NSD3: variants seen among roughly 807,000 people sequenced by gnomAD.
NSD3 encodes histone-lysine N-methyltransferase NSD3.
A neutral mutation model predicts 160.8 loss-of-function variants in NSD3; 24 were observed. That is an observed-to-expected ratio of 0.15 (90% CI 0.11 to 0.21). The LOEUF is 0.21. Among genes scored for constraint, NSD3 ranks in the 10% least tolerant of loss-of-function variants. The probability of loss-of-function intolerance (pLI) is 1.00; values close to 1 mark genes in which losing one functional copy is unlikely to be tolerated. For synonymous variants in NSD3, 520 were observed against 600.0 expected, an observed-to-expected ratio of 0.87 and a Z score of 1.95; for missense variants, 1,157 against 1,735.9, an observed-to-expected ratio of 0.67 and a Z score of 5.93.
At chr8:38,335,878 A>C (rs1810204874) in intron 4 of NSD3, 1 of 152,238 alleles carries the variant, frequency 6.6e-6, no homozygotes, top group Admixed American at 6.5e-5. Flanking sequence ...AAAATATATA[A>C]GAGAACTACT....
intron 19 of NSD3, among the ~76,000 whole-genome samples, chr8:38,285,239 G>A (rs1409899756): frequency 6.6e-6 from 1 of 152,182 alleles, no homozygotes; most frequent in Non-Finnish European, 1.5e-5. Flanking sequence ...CCACAGCAAA[G>A]AGGCTGTCAT....
intron 4 of NSD3, among the ~76,000 whole-genome samples, chr8:38,333,484 A>G (rs1290882363): frequency 6.6e-6 from 1 of 152,368 alleles, no homozygotes; most frequent in Non-Finnish European, 1.5e-5. Context: ...TGATCCAAAC[A>G]TCTTTCAACA....
intron 1 of NSD3, among the ~76,000 whole-genome samples, chr8:38,361,850 C>T (rs1421526783): frequency 6.7e-6 from 1 of 149,920 alleles, no homozygotes; most frequent in East Asian, 2.0e-4. Flanking sequence ...GGTGTGACGA[C>T]GGGGAGAGAG....
intron 10 of NSD3, 73 bp downstream of exon 10, chr8:38,315,839 T>A: frequency 6.5e-7 from 1 of 1,548,196 alleles, no homozygotes. Context: ...ATGTCCTGAT[T>A]TCCCCAAATA....
chr8:38,365,755 A>T (rs1811090990), intron 1 of NSD3, among the ~76,000 whole-genome samples: 1 of 152,060 alleles, frequency 6.6e-6, no homozygotes, highest in South Asian at 2.1e-4. Context: ...TTAGATTCTT[A>T]TTAAAAAACT....
At chr8:38,373,928 T>C (rs1253636904) in intron 1 of NSD3, among the ~76,000 whole-genome samples, 1 of 119,774 alleles carries the variant, frequency 8.3e-6, no homozygotes, top group African/African-American at 3.3e-5. Flanking sequence ...CAAAACTCTG[T>C]CTCTACAAAA....
At chr8:38,345,223 G>C (rs569052771) in intron 2 of NSD3, among the ~76,000 whole-genome samples, 1 of 148,270 alleles carries the variant, frequency 6.7e-6, no homozygotes, top group Non-Finnish European at 1.5e-5. Flanking sequence ...GAGAGGGAGA[G>C]AGAGAGAGGA....
At position 38,318,916 on chromosome 8, in the gene NSD3, C is replaced by T. The variant is rs142847683; in HGVS notation, c.1834G>A (p.Val612Met). 1 of 1,611,334 alleles carries T rather than the reference C, an allele frequency of 6.2e-7. No individual in the cohort carries two copies. The highest frequency in any genetic ancestry group is 8.5e-7 in the Non-Finnish European group (1 of 1,179,180). The change falls in exon 9 of 24, where the codon GTG (valine) becomes ATG (methionine). Residue 612 changes from valine to methionine, a missense_variant. Coordinates refer to ENST00000317025, the MANE Select transcript of NSD3 (RefSeq NM_023034.2). This position sits in a 1 kb window ranked among gnomAD's most constrained non-coding sequence, Gnocchi z 5.3. ...TCACCTTTCTGTAATCCAGTCTTCA[C>T]TGTAGCCTGAGGAACTGTTTCAACC... ...EQVETVPQAT[V>M]KTGLQKGASE...
chr8:38,352,096 T>C (rs1810717356), intron 1 of NSD3, among the ~76,000 whole-genome samples: 1 of 152,080 alleles, frequency 6.6e-6, no homozygotes, highest in African/African-American at 2.4e-5. Context: ...CAATGCCTAT[T>C]ATTAATAGAT....
intron 12 of NSD3, among the ~76,000 whole-genome samples, chr8:38,313,262 C>T (rs1809576391): frequency 6.6e-6 from 1 of 152,010 alleles, no homozygotes; most frequent in South Asian, 2.1e-4. Context: ...TGACATATGA[C>T]TTGTGATGTC....
rs759912958 is a variant in NSD3, at chr8:38,288,601, T to C, written c.3387A>G (p.Pro1129=). Residue 1129 remains proline, a synonymous_variant, in exon 19 of 24, where the codon CCA becomes CCG. Transcript: ENST00000317025. The surrounding 1 kb of genome is among the most constrained non-coding windows in gnomAD (Gnocchi z 4.5). ...LQYECHPQVC[P]AGDRCQNQCF... Reference sequence around the variant, plus strand: ...ACTGGTTCTGACAACGATCTCCAGCTGGGCACACCTGCGGGTGGCATTCAT... The same window carrying C: ...ACTGGTTCTGACAACGATCTCCAGCCGGGCACACCTGCGGGTGGCATTCAT... The C allele has an allele frequency of 2.3e-5, 37 of 1,614,218 alleles. No homozygotes were observed. The East Asian group carries it at 7.6e-4, about 33-fold the overall frequency.
intron 1 of NSD3, among the ~76,000 whole-genome samples, chr8:38,352,606 T>G (rs1810728618): frequency 6.6e-6 from 1 of 152,192 alleles, no homozygotes; most frequent in South Asian, 2.1e-4. Flanking sequence ...TTTGTTTGTT[T>G]GTTTGTTTGT....
Position 38,305,778 on chromosome 8 carries a change from G to A in NSD3, c.2243-333C>T, listed in dbSNP as rs143783356. On this transcript the variant is annotated intron_variant, in intron 12 of 23. Coordinates refer to ENST00000317025, the MANE Select transcript of NSD3 (RefSeq NM_023034.2). ...ACATAGAATAAATAAATTACCAAAG[G>A]AAAGTCTGATTCCATTAGATAATCA... 1.5e-3 allele frequency among the ~76,000 whole-genome samples: 234 copies of A among 152,096 alleles called. 1 individual carries two copies. Among genetic ancestry groups the A allele is most frequent in the Middle Eastern group, 0.01 (3 of 294 alleles).
chr8:38,346,628 C>T (rs1382789460), intron 2 of NSD3, among the ~76,000 whole-genome samples: 1 of 151,886 alleles, frequency 6.6e-6, no homozygotes, highest in Non-Finnish European at 1.5e-5. Flanking sequence ...AAATGTCACA[C>T]TGGGACTTGT....
chr8:38,328,918 C>T (rs1343870427), intron 6 of NSD3, among the ~76,000 whole-genome samples: 1 of 152,184 alleles, frequency 6.6e-6, no homozygotes, highest in East Asian at 1.9e-4. Context: ...TTAGATATCG[C>T]AAGCCCATAA....
At chr8:38,363,310 T>C (rs930900626) in intron 1 of NSD3, among the ~76,000 whole-genome samples, 1 of 152,098 alleles carries the variant, frequency 6.6e-6, no homozygotes, top group East Asian at 1.9e-4. Context: ...GTGGGAAGGA[T>C]CAGAGTCAGA....
At chr8:38,284,742 TCTA>T (rs969541669) in intron 19 of NSD3, among the ~76,000 whole-genome samples, 1 of 152,226 alleles carries the variant, frequency 6.6e-6, no homozygotes, top group South Asian at 2.1e-4. Flanking sequence ...CCAAATCAGC[TCTA>T]CTACTTCTTT....
chr8:38,275,959 G>A (rs1463919780), intron 23 of NSD3, 77 bp from the exon 24 acceptor site: 12 of 1,307,490 alleles, frequency 9.2e-6, no homozygotes, highest in Non-Finnish European at 1.3e-5. Flanking sequence ...GAAAAACCCA[G>A]GTTCCTTCTT....
chr8:38,341,335 C>T (rs942464692), intron 2 of NSD3, among the ~76,000 whole-genome samples: 11 of 151,974 alleles, frequency 7.2e-5, no homozygotes, highest in African/African-American at 2.7e-4. Context: ...GTCAGGAGTT[C>T]GAGACCAGCC....
Sources: allele counts gnomAD v4.1 joint callset (sites outside exome capture counted in the v4.1 genomes callset), GRCh38; gene constraint gnomAD v4.1.1; non-coding constraint Gnocchi (gnomAD v3.1); transcripts MANE v1.5; gene names NCBI Gene and HGNC (gene_info 2026-07-23, HGNC 2026-07-21).